AGPAT4: variants seen among roughly 807,000 people sequenced by gnomAD.
AGPAT4 encodes the protein 1-acylglycerol-3-phosphate O-acyltransferase 4.
AGPAT4 carries 15 observed loss-of-function variants against 48.0 expected under a neutral mutation model. The ratio of observed to expected loss-of-function variants is 0.31; its 90% CI spans 0.21 to 0.48. The LOEUF is 0.48. Among genes scored for constraint, AGPAT4 ranks in the 20% least tolerant of loss-of-function variants. The pLI is 0.99. For synonymous variants in AGPAT4, 178 were observed against 198.7 expected (o/e 0.90, Z 0.88); for missense variants, 314 against 482.5 (o/e 0.65, Z 3.27).
At chr6:161,268,552 T>C (rs1783331943) in intron 1 of AGPAT4, among the ~76,000 whole-genome samples, 1 of 152,164 alleles carries the variant, frequency 6.6e-6, no homozygotes. Flanking sequence ...AAATTCAAAA[T>C]GCACCTCTCG....
intron 1 of AGPAT4, among the ~76,000 whole-genome samples, chr6:161,257,189 C>T (rs536309849): frequency 8.5e-5 from 13 of 152,308 alleles, no homozygotes; most frequent in Admixed American, 7.8e-4. Flanking sequence ...AAATATCCAT[C>T]ACCCGGTGAA....
rs1049522350 is a variant in AGPAT4, at chr6:161,146,398, A to G, written c.843+126T>C. 2.6e-5 allele frequency: 21 copies of G among 809,038 alleles called. No individual in the cohort carries two copies. Among genetic ancestry groups the G allele is most frequent in the Non-Finnish European group, 3.8e-5 (19 of 499,706 alleles). The allele number at this position is 809,038 out of a possible 1,614,324, so 50.1% of individuals were successfully genotyped here. A position where few individuals can be genotyped will look rare whatever the true frequency, so the allele number is the denominator to read the frequency against. ...TCATTGCCAAGAGAGGGTCAGCTCC[A>G]GACTCACTAATAACTGGCTCTGTGA... On this transcript the variant is annotated intron_variant, in intron 7 of 8. Coordinates refer to ENST00000320285, the MANE Select transcript of AGPAT4 (RefSeq NM_020133.3). This position sits in a 1 kb window ranked among gnomAD's most constrained non-coding sequence, Gnocchi z 7.1.
rs1282578558 is a variant in AGPAT4, at chr6:161,204,313, G to T, written c.178+27723C>A. 6.6e-6 allele frequency among the ~76,000 whole-genome samples: 1 copy of T among 152,166 alleles called. No homozygotes were observed. The highest frequency in any genetic ancestry group is 1.5e-5 in the Non-Finnish European group (1 of 68,036). On this transcript the variant is annotated intron_variant, in intron 2 of 8. Transcript: ENST00000320285. The surrounding 1 kb of genome is among the most constrained non-coding windows in gnomAD (Gnocchi z 4.4). ...TGAAATTTGAGGAGATGATCTCTAA[G>T]TTGGCCCGAATACATTTTCAATCAC... is the stretch of plus-strand genomic sequence containing the variant.
At position 161,166,346 on chromosome 6, in the gene AGPAT4, T is replaced by A; in HGVS notation, c.250A>T (p.Lys84Ter). The part of the protein sequence containing the change: ...TIFTDPRAYL[K>*]YGKENAIVVL... Reference sequence around the variant, plus strand: ...ACGATGGCATTTTCCTTCCCATACTTGAGGTAGGCGCGCGGGTCCGTGAAG... The same window carrying A: ...ACGATGGCATTTTCCTTCCCATACTAGAGGTAGGCGCGCGGGTCCGTGAAG... The change falls in exon 3 of 9, where the codon AAG becomes TAG. Residue 84 changes from lysine (K) to a stop codon, truncating the protein, a stop_gained. Transcript: ENST00000320285. LOFTEE classifies it high-confidence loss of function. The surrounding 1 kb of genome is among the most constrained non-coding windows in gnomAD (Gnocchi z 6.7). 1 of 1,614,116 alleles carries A rather than the reference T, an allele frequency of 6.2e-7. No individual in the cohort carries two copies. The highest frequency in any genetic ancestry group is 8.5e-7 in the Non-Finnish European group (1 of 1,180,014).
intron 1 of AGPAT4, among the ~76,000 whole-genome samples, chr6:161,258,751 A>G (rs1387390130): frequency 6.6e-6 from 1 of 151,838 alleles, no homozygotes; most frequent in Non-Finnish European, 1.5e-5. Flanking sequence ...GTTTAATCAC[A>G]TGGCTAGATG....
rs770224249 is a variant in AGPAT4, at chr6:161,232,132, T to C, written c.82A>G (p.Ile28Val). ...CYVFIASGLI[I>V]NTIQLFTLLL... ...AGAGTGAAGAGCTGAATGGTGTTGATGATTAGCCCTGAGGCAATAAAGACG... is the reference window on the plus strand; with the variant it reads ...AGAGTGAAGAGCTGAATGGTGTTGACGATTAGCCCTGAGGCAATAAAGACG... The change falls in exon 2 of 9, where the codon ATC becomes GTC. Residue 28 changes from isoleucine to valine, a missense_variant. Ile to Val is a conservative substitution (Grantham distance 29, BLOSUM62 3). Transcript: ENST00000320285. The surrounding 1 kb of genome is among the most constrained non-coding windows in gnomAD (Gnocchi z 6.8). The C allele has an allele frequency of 6.2e-7, 1 of 1,614,166 alleles. No individual in the cohort carries two copies. Among genetic ancestry groups the C allele is most frequent in the Non-Finnish European group, 8.5e-7 (1 of 1,180,042 alleles).
Position 161,186,936 on chromosome 6 carries a change from C to T in AGPAT4, c.179-20519G>A, listed in dbSNP as rs374005507. On this transcript the variant is annotated intron_variant, in intron 2 of 8. Coordinates refer to ENST00000320285, the MANE Select transcript of AGPAT4 (RefSeq NM_020133.3). ...AGACCACCCACTTGCCCCTCACCTCCCTTAGGAGTAGTCTCTCTCTTCAAC... is the reference window on the plus strand; with the variant it reads ...AGACCACCCACTTGCCCCTCACCTCTCTTAGGAGTAGTCTCTCTCTTCAAC... 1.8e-4 allele frequency among the ~76,000 whole-genome samples: 28 copies of T among 152,328 alleles called. No individual in the cohort carries two copies. The East Asian group carries it at 3.1e-3, about 17-fold the overall frequency.
chr6:161,166,027 G>A lies in AGPAT4; in HGVS notation c.348+221C>T, dbSNP rs542818046. ...AAATAAATGAATCATATGTAAAATG[G>A]CCGGCAGGTAGCAATTGTTGAGTAC... On this transcript the variant is annotated intron_variant, in intron 3 of 8. Coordinates refer to ENST00000320285, the MANE Select transcript of AGPAT4 (RefSeq NM_020133.3). The surrounding 1 kb of genome is among the most constrained non-coding windows in gnomAD (Gnocchi z 6.7). The A allele has an allele frequency of 8.7e-5, 55 of 634,160 alleles. No individual in the cohort carries two copies. In the African/African-American group the frequency reaches 9.6e-4, roughly 11 times the overall value. 39.3% of individuals were successfully genotyped at this position (634,160 alleles called of 1,614,324 possible).
intron 5 of AGPAT4, among the ~76,000 whole-genome samples, chr6:161,151,119 A>G (rs559619011): frequency 1.3e-5 from 2 of 152,204 alleles, no homozygotes; most frequent in South Asian, 4.1e-4. Flanking sequence ...GGCGCATCAG[A>G]AGGAGTGAGA....
At chr6:161,157,076 A>G (rs991928170) in intron 3 of AGPAT4, among the ~76,000 whole-genome samples, 6 of 152,068 alleles carry the variant, frequency 3.9e-5, no homozygotes, top group South Asian at 2.1e-4. Context: ...TCACATCTCT[A>G]TATTTCTGTG....
rs983326332 is a variant in AGPAT4, at chr6:161,158,166, C to A, written c.349-3856G>T. Among the ~76,000 whole-genome samples the A allele has an allele frequency of 1.2e-4, 19 of 152,182 alleles. No homozygotes were observed. Among genetic ancestry groups the A allele is most frequent in the Admixed American group, 6.5e-4 (10 of 15,282 alleles). ...AGCACAACTGAAGAGTCACTGTGCACAGACAGTTGCCCAAGTTAACTCACT... is the reference window on the plus strand; with the variant it reads ...AGCACAACTGAAGAGTCACTGTGCAAAGACAGTTGCCCAAGTTAACTCACT... On this transcript the variant is annotated intron_variant, in intron 3 of 8. Coordinates refer to ENST00000320285, the MANE Select transcript of AGPAT4 (RefSeq NM_020133.3). This position sits in a 1 kb window ranked among gnomAD's most constrained non-coding sequence, Gnocchi z 5.3.
intron 1 of AGPAT4, among the ~76,000 whole-genome samples, chr6:161,273,213 A>G (rs551631364): frequency 2.8e-4 from 42 of 152,286 alleles, no homozygotes; most frequent in Non-Finnish European, 5.6e-4. Context: ...TAAACATCAA[A>G]GCATTCTTTT....
rs1021003583 is a variant in AGPAT4, at chr6:161,154,826, G to A, written c.349-516C>T. On this transcript the variant is annotated intron_variant, in intron 3 of 8. Transcript: ENST00000320285. This position sits in a 1 kb window ranked among gnomAD's most constrained non-coding sequence, Gnocchi z 7.8. ...TAGGTGTGAGGTTAACATCCTTCTT[G>A]AACAGTGGTTGGCCAAAGATTCATT... 6.6e-6 allele frequency among the ~76,000 whole-genome samples: 1 copy of A among 152,320 alleles called. No homozygotes were observed. The highest frequency in any genetic ancestry group is 2.4e-5 in the African/African-American group (1 of 41,582).
intron 2 of AGPAT4, among the ~76,000 whole-genome samples, chr6:161,192,637 G>T (rs1377795172): frequency 6.6e-6 from 1 of 151,762 alleles, no homozygotes; most frequent in African/African-American, 2.4e-5. Flanking sequence ...TGTATCTCAG[G>T]TCATCTGAGA....
rs1315054447 is a variant in AGPAT4 at position 161,216,347 on chromosome 6, T to C, written c.178+15689A>G. Among the ~76,000 whole-genome samples the C allele has an allele frequency of 6.6e-6, 1 of 152,214 alleles. No individual in the cohort carries two copies. The highest frequency in any genetic ancestry group is 1.5e-5 in the Non-Finnish European group (1 of 68,036). On this transcript the variant is annotated intron_variant, in intron 2 of 8. Coordinates refer to ENST00000320285, the MANE Select transcript of AGPAT4 (RefSeq NM_020133.3). This position sits in a 1 kb window ranked among gnomAD's most constrained non-coding sequence, Gnocchi z 4.8. ...TCTCTTCTGTCCTCAAGCAAACGTC[T>C]GCAACAAGTGCGTCTCTTGTCCAGG...
At chr6:161,207,140 T>A (rs911052767) in intron 2 of AGPAT4, among the ~76,000 whole-genome samples, 3 of 152,252 alleles carry the variant, frequency 2.0e-5, no homozygotes, top group Non-Finnish European at 4.4e-5. Context: ...GACAGTGTTA[T>A]CTCTCTTTTG....
intron 2 of AGPAT4, among the ~76,000 whole-genome samples, chr6:161,203,451 T>C (rs1351929705): frequency 6.8e-6 from 1 of 146,056 alleles, no homozygotes; most frequent in Non-Finnish European, 1.5e-5. Context: ...TGCAATGGCG[T>C]GATCTCAGGT....
rs986956446 is a variant in AGPAT4, at chr6:161,142,632, C to T, written c.844-3012G>A. 1.3e-5 allele frequency among the ~76,000 whole-genome samples: 2 copies of T among 152,008 alleles called. No individual in the cohort carries two copies. Among genetic ancestry groups the T allele is most frequent in the Non-Finnish European group, 2.9e-5 (2 of 68,014 alleles). On this transcript the variant is annotated intron_variant, in intron 7 of 8. Transcript: ENST00000320285. This position sits in a 1 kb window ranked among gnomAD's most constrained non-coding sequence, Gnocchi z 6.4. Reference sequence around the variant, plus strand: ...GCACGTCCGCTCAGCTTTCCCAGGGCCCAGGAGAAGAAAGAAGGGAGAAAA... The same window carrying T: ...GCACGTCCGCTCAGCTTTCCCAGGGTCCAGGAGAAGAAAGAAGGGAGAAAA...
chr6:161,136,160 A>G lies in AGPAT4; in HGVS notation c.*380T>C. 1 of 211,250 alleles carries G rather than the reference A, an allele frequency of 4.7e-6. No homozygotes were observed. The highest frequency in any genetic ancestry group is 5.6e-5 in the Admixed American group (1 of 18,016). The allele number at this position is 211,250 out of a possible 1,614,324, so 13.1% of individuals were successfully genotyped here. A position where few individuals can be genotyped will look rare whatever the true frequency, so the allele number is the denominator to read the frequency against. On this transcript the variant is annotated 3_prime_UTR_variant, in exon 9 of 9. Coordinates refer to ENST00000320285, the MANE Select transcript of AGPAT4 (RefSeq NM_020133.3). Reference sequence around the variant, plus strand: ...AGCACTTTTCACTTTATCTCTGGCAACCAAGGGTTACAGAAAACTCAGCAC... The same window carrying G: ...AGCACTTTTCACTTTATCTCTGGCAGCCAAGGGTTACAGAAAACTCAGCAC...
Sources: gnomAD v4.1 joint callset for allele counts (sites outside exome capture counted in the v4.1 genomes callset) on GRCh38, gnomAD v4.1.1 for gene constraint, Gnocchi (gnomAD v3.1) non-coding constraint, MANE v1.5 for transcripts, NCBI Gene and HGNC (gene_info 2026-07-23, HGNC 2026-07-21) for gene names.